The following CDH26 variants were observed in gnomAD, a reference collection of about 807,000 sequenced individuals.
CDH26 encodes the protein cadherin-like protein 26.
CDH26 carries 83 observed loss-of-function variants against 90.3 expected under a neutral mutation model. That is an observed-to-expected ratio of 0.92 (90% CI 0.77 to 1.10). The LOEUF (loss-of-function observed/expected upper bound fraction) is 1.10, where lower values mean the gene tolerates loss of function less well. CDH26 is among the 50% of genes least tolerant of loss of function. The probability of loss-of-function intolerance (pLI) is 0.00; values close to 1 mark genes in which losing one functional copy is unlikely to be tolerated. For missense variants in CDH26, 1,013 were observed against 1,037.6 expected, an observed-to-expected ratio of 0.98 and a Z score of 0.33; for synonymous variants, 397 against 396.3, an observed-to-expected ratio of 1.00 and a Z score of -0.02.
chr20:60,021,853 C>CACACACACACACACACACACACAT (rs1569068508), intron 7 of CDH26, among the ~76,000 whole-genome samples: 2 of 52,610 alleles, frequency 3.8e-5, no homozygotes, highest in African/African-American at 1.3e-4. Context: ...TATCTGTACA[C>CACACACACACACACACACACACAT]ACACACACAC....
Position 59,958,781 on chromosome 20 carries a change from C to T in CDH26, c.55C>T (p.Leu19=). ...GCTGCTGCTGCTTCTAGTGCTGCTG[C>T]TGTGGCTGCTGCAGGTAAGCTGAGC... ...PSLLLLLVLL[L]WLLQVSIIDS... The change falls in exon 1 of 18, where the codon CTG becomes TTG. Residue 19 remains leucine (L), a synonymous_variant. Transcript: ENST00000348616. 6.2e-7 allele frequency: 1 copy of T among 1,613,856 alleles called. No individual in the cohort carries two copies. Among genetic ancestry groups the T allele is most frequent in the Non-Finnish European group, 8.5e-7 (1 of 1,179,826 alleles).
At chr20:59,970,620 C>G (rs2061247862) in intron 3 of CDH26, among the ~76,000 whole-genome samples, 1 of 151,518 alleles carries the variant, frequency 6.6e-6, no homozygotes, top group African/African-American at 2.4e-5. Context: ...CCCATCCTGG[C>G]CAACATGGTG....
chr20:59,984,960 C>T (rs761559005), intron 6 of CDH26, 41 bp from the exon 7 acceptor site: 2 of 1,598,198 alleles, frequency 1.3e-6, no homozygotes, highest in African/African-American at 2.7e-5. Context: ...TTTTCCTTTC[C>T]TGTATTTGAG....
chr20:59,996,073 T>C lies in CDH26; in HGVS notation c.1888+19T>C. The stretch of plus-strand genomic sequence containing the variant: ...CTGGCAGGTCAGTGGTCTGTAGGGG[T>C]GTCCTGGGACTGTGGCTCCTCTCCC... On this transcript the variant is annotated intron_variant, in intron 12 of 17. Coordinates refer to ENST00000348616, the MANE Select transcript of CDH26 (RefSeq NM_177980.4). The C allele has an allele frequency of 6.2e-7, 1 of 1,606,930 alleles. No homozygotes were observed. The highest frequency in any genetic ancestry group is 8.5e-7 in the Non-Finnish European group (1 of 1,178,082).
intron 7 of CDH26, among the ~76,000 whole-genome samples, chr20:59,986,794 G>GA (rs1013268672): frequency 3.6e-4 from 55 of 151,694 alleles, no homozygotes; most frequent in African/African-American, 1.3e-3. Context: ...CGTTTAATTA[G>GA]AAAAAAAACC....
At chr20:59,980,123 A>C (rs1569033931) in intron 4 of CDH26, among the ~76,000 whole-genome samples, 1 of 152,252 alleles carries the variant, frequency 6.6e-6, no homozygotes, top group South Asian at 2.1e-4. Context: ...GGCTGCACTT[A>C]GTATTGTCAG....
chr20:59,968,913 A>T lies in CDH26; in HGVS notation c.70-54A>T, dbSNP rs1002489042. On this transcript the variant is annotated intron_variant, in intron 1 of 17. Transcript: ENST00000348616. ...ATTTGTGCAACTCCAGGTGGTTTCC[A>T]TGTGATTCTGGTAAGAATATTCTCT... The T allele has an allele frequency of 3.1e-6, 3 of 960,238 alleles. No homozygotes were observed. The African/African-American group carries it at 4.9e-5, about 16-fold the overall frequency. The allele number at this position is 960,238 out of a possible 1,614,324, so 59.5% of individuals were successfully genotyped here.
chr20:59,997,971 C>T (rs2061621561), intron 13 of CDH26, among the ~76,000 whole-genome samples: 1 of 152,270 alleles, frequency 6.6e-6, no homozygotes. Context: ...AGGTATGTGC[C>T]TGTGCACCCT....
At chr20:60,011,141 G>A (rs1423036076) in intron 17 of CDH26, among the ~76,000 whole-genome samples, 1 of 152,248 alleles carries the variant, frequency 6.6e-6, no homozygotes, top group African/African-American at 2.4e-5. Context: ...GGCTGGAGGA[G>A]AGGGGACAGA....
At chr20:59,959,397 G>C (rs1228318970) in intron 1 of CDH26, among the ~76,000 whole-genome samples, 1 of 151,218 alleles carries the variant, frequency 6.6e-6, no homozygotes, top group African/African-American at 2.4e-5. Context: ...ACCTCACCCA[G>C]CCAACACACA....
chr20:59,992,514 G>A lies in CDH26; in HGVS notation c.1420G>A (p.Asp474Asn). ...SFYVIIIHAVDDGFPPQTATG... is the reference protein window; with the variant it reads ...SFYVIIIHAVNDGFPPQTATG... ...TTATGTAATCATCATTCACGCTGTT[G>A]ATGATGGTGAGTGTTTACCCAAAAT... Residue 474 changes from aspartate to asparagine, a missense_variant, in exon 10 of 18, where the codon GAT becomes AAT. Transcript: ENST00000348616. The surrounding 1 kb of genome is among the most constrained non-coding windows in gnomAD (Gnocchi z 5.0). The A allele has an allele frequency of 6.2e-7, 1 of 1,613,676 alleles. No individual in the cohort carries two copies. The highest frequency in any genetic ancestry group is 2.2e-5 in the East Asian group (1 of 44,864).
chr20:60,004,707 A>G (rs2061721637), intron 16 of CDH26, among the ~76,000 whole-genome samples: 1 of 148,354 alleles, frequency 6.7e-6, no homozygotes, highest in Non-Finnish European at 1.5e-5. Context: ...CGGCGCTTGC[A>G]GTGAGCCAAG....
At chr20:59,989,265 A>T in intron 9 of CDH26, 102 bp downstream of exon 9, 1 of 1,472,432 alleles carries the variant, frequency 6.8e-7, no homozygotes, top group East Asian at 2.3e-5. Flanking sequence ...GCGGTGGCTC[A>T]CGCCTGTAAT....
chr20:59,994,111 C>A, intron 10 of CDH26, 139 bp from the exon 11 acceptor site: 2 of 1,113,956 alleles, frequency 1.8e-6, no homozygotes, highest in Non-Finnish European at 2.5e-6. Flanking sequence ...ACGTGCATGC[C>A]AGGAGAGCTT....
intron 7 of CDH26, among the ~76,000 whole-genome samples, chr20:60,021,916 A>ATATATATC (rs1261005381): frequency 0.012 from 1,186 of 96,040 alleles, 155 homozygotes; most frequent in Middle Eastern, 0.064. Flanking sequence ...ATATATATAT[A>ATATATATC]TCCTGACTAT....
chr20:59,961,544 A>T (rs1360515779), intron 1 of CDH26, among the ~76,000 whole-genome samples: 1 of 152,152 alleles, frequency 6.6e-6, no homozygotes, highest in Non-Finnish European at 1.5e-5. Context: ...CGCCCCCTGA[A>T]TTGGCTTATT....
intron 7 of CDH26, among the ~76,000 whole-genome samples, chr20:59,986,749 A>C (rs1186617164): frequency 6.6e-6 from 1 of 152,080 alleles, no homozygotes; most frequent in African/African-American, 2.4e-5. Context: ...GCTGTTGTTG[A>C]ATAAATGATG....
chr20:60,001,012 A>T (rs1398345470), intron 14 of CDH26, among the ~76,000 whole-genome samples: 1 of 152,146 alleles, frequency 6.6e-6, no homozygotes, highest in Non-Finnish European at 1.5e-5. Context: ...CTGAATCTAA[A>T]CAGTTTCACC....
At chr20:60,034,179 T>G (rs1246043862), downstream of CDH26, among the ~76,000 whole-genome samples, 1 of 151,792 alleles carries the variant, frequency 6.6e-6, no homozygotes, top group Non-Finnish European at 1.5e-5. Context: ...GGACAGAGAG[T>G]GTCTCCCTGC....
Sources: gnomAD v4.1 joint callset for allele counts (sites outside exome capture counted in the v4.1 genomes callset) on GRCh38, gnomAD v4.1.1 for gene constraint, Gnocchi (gnomAD v3.1) non-coding constraint, MANE v1.5 for transcripts, NCBI Gene and HGNC (gene_info 2026-07-23, HGNC 2026-07-21) for gene names.